Variants in GLIPR2 observed in about 807,000 individuals in gnomAD.
GLIPR2 encodes the protein GLI pathogenesis related 2, also known as Golgi-associated plant pathogenesis-related protein 1.
In GLIPR2, 21 loss-of-function variants were observed where a neutral mutation model predicts 20.4. The ratio of observed to expected loss-of-function variants is 1.03; its 90% confidence interval spans 0.73 to 1.48. The LOEUF is 1.48. GLIPR2 is among the 40% of genes most tolerant of loss of function. The pLI is 0.00. For missense variants in GLIPR2, 205 were observed against 200.1 expected (o/e 1.02, Z -0.15); for synonymous variants, 91 against 80.5 (o/e 1.13, Z -0.70).
At chr9:36,149,811 T>C (rs1412537217) in intron 3 of GLIPR2, among the ~76,000 whole-genome samples, 6 of 152,188 alleles carry the variant, frequency 3.9e-5, no homozygotes, top group South Asian at 2.1e-4. Context: ...GTGGATCACC[T>C]GAGGTCAGGA....
At chr9:36,149,612 G>C (rs1033988205) in intron 3 of GLIPR2, among the ~76,000 whole-genome samples, 5 of 152,198 alleles carry the variant, frequency 3.3e-5, no homozygotes, top group Non-Finnish European at 7.4e-5. Flanking sequence ...CGGGAGCCTT[G>C]AGCAGGTCCC....
At chr9:36,142,928 G>C (rs1587131438) in intron 1 of GLIPR2, among the ~76,000 whole-genome samples, 1 of 152,052 alleles carries the variant, frequency 6.6e-6, no homozygotes, top group East Asian at 2.0e-4. Context: ...AGTGGGGAGA[G>C]AGGACTCCCC....
intron 1 of GLIPR2, among the ~76,000 whole-genome samples, chr9:36,143,471 G>A (rs16932989): frequency 0.041 from 6,183 of 152,232 alleles, 415 homozygotes; most frequent in African/African-American, 0.14. Context: ...TCTGGGACAT[G>A]GGAGCTAGAA....
chr9:36,144,095 C>T (rs531547702), intron 1 of GLIPR2, among the ~76,000 whole-genome samples: 58 of 152,272 alleles, frequency 3.8e-4, no homozygotes, highest in African/African-American at 1.3e-3. Context: ...GCCCGTGGCC[C>T]AAGAACCCAT....
intron 1 of GLIPR2, among the ~76,000 whole-genome samples, chr9:36,139,375 C>T (rs983290451): frequency 1.3e-5 from 2 of 152,174 alleles, no homozygotes; most frequent in Non-Finnish European, 2.9e-5. Context: ...CTCATAGTCA[C>T]GTGCATTTAA....
intron 4 of GLIPR2, among the ~76,000 whole-genome samples, chr9:36,156,446 TACCATTTTA>T (rs1452089003): frequency 2.0e-5 from 3 of 149,910 alleles, no homozygotes; most frequent in Non-Finnish European, 3.0e-5. Flanking sequence ...ACTGAAAATT[TACCATTTTA>T]ACCATTTTAG....
intron 1 of GLIPR2, among the ~76,000 whole-genome samples, chr9:36,143,107 G>T (rs968872433): frequency 1.3e-5 from 2 of 152,170 alleles, no homozygotes; most frequent in Non-Finnish European, 2.9e-5. Context: ...TGGGAGTGCA[G>T]TGACCTAGTT....
intron 1 of GLIPR2, among the ~76,000 whole-genome samples, chr9:36,138,675 C>T (rs555266874): frequency 6.6e-6 from 1 of 152,246 alleles, no homozygotes; most frequent in South Asian, 2.1e-4. Flanking sequence ...GACCCAGTGC[C>T]GGGGCGTGCA....
chr9:36,153,104 A>G (rs1825671868), intron 4 of GLIPR2, among the ~76,000 whole-genome samples: 1 of 149,352 alleles, frequency 6.7e-6, no homozygotes, highest in African/African-American at 2.5e-5. Context: ...CCTGGGCAAC[A>G]AGGGCGAGAC....
At chr9:36,145,345 T>C (rs1328838956) in intron 1 of GLIPR2, among the ~76,000 whole-genome samples, 1 of 152,252 alleles carries the variant, frequency 6.6e-6, no homozygotes, top group African/African-American at 2.4e-5. Flanking sequence ...GTTAGGTTAA[T>C]CTCCAAGTTC....
At chr9:36,150,695 T>C (rs1825542526) in intron 3 of GLIPR2, among the ~76,000 whole-genome samples, 177 bp from the exon 4 acceptor site, 1 of 152,164 alleles carries the variant, frequency 6.6e-6, no homozygotes, top group Non-Finnish European at 1.5e-5. Context: ...CTGGCCATGC[T>C]CATGGGCAGG....
In GLIPR2 at chr9:36,136,897, C is replaced by T; in HGVS notation, c.13+106C>T. 8.3e-7 allele frequency: 1 copy of T among 1,199,728 alleles called. No homozygotes were observed. Among genetic ancestry groups the T allele is most frequent in the South Asian group, 4.0e-5 (1 of 24,720 alleles). 74.3% of individuals were successfully genotyped at this position (1,199,728 alleles called of 1,614,324 possible). A position where few individuals can be genotyped will look rare whatever the true frequency, so the allele number is the denominator to read the frequency against. On this transcript the variant is annotated intron_variant, in intron 1 of 4. Coordinates refer to ENST00000377960, the MANE Select transcript of GLIPR2 (RefSeq NM_022343.4). The surrounding 1 kb of genome is among the most constrained non-coding windows in gnomAD (Gnocchi z 4.3). ...AGCCAGGTCCTGGGGAGTGCGGGAG[C>T]CCGGGGTGCGGGTGGAGGGCGCGCG...
At chr9:36,145,385 G>A (rs1446791408) in intron 1 of GLIPR2, among the ~76,000 whole-genome samples, 1 of 149,656 alleles carries the variant, frequency 6.7e-6, no homozygotes, top group Non-Finnish European at 1.5e-5. Flanking sequence ...CTGCATCTTG[G>A]CACCTATCAC....
intron 3 of GLIPR2, among the ~76,000 whole-genome samples, chr9:36,150,610 T>G (rs114063430): frequency 0.026 from 3,988 of 152,228 alleles, 171 homozygotes; most frequent in African/African-American, 0.09. Flanking sequence ...GTGTATGGGT[T>G]GTGGGGGATA....
intron 4 of GLIPR2, among the ~76,000 whole-genome samples, chr9:36,152,527 A>T (rs1245491558): frequency 6.6e-6 from 1 of 152,034 alleles, no homozygotes; most frequent in Non-Finnish European, 1.5e-5. Context: ...AGGTGGGTGG[A>T]TCACCTGAGG....
rs370653151 is a variant in GLIPR2, at chr9:36,140,644, G to A, written c.13+3853G>A. The stretch of plus-strand genomic sequence containing the variant: ...TGGGGGAAGGGGGTGCCTTGTTCCC[G>A]TAAGCAATTGAGCAACTCGTCATAG... On this transcript the variant is annotated intron_variant, in intron 1 of 4. Coordinates refer to ENST00000377960, the MANE Select transcript of GLIPR2 (RefSeq NM_022343.4). 1.0e-3 allele frequency among the ~76,000 whole-genome samples: 158 copies of A among 152,224 alleles called. 1 individual carries two copies. Among genetic ancestry groups the A allele is most frequent in the Admixed American group, 3.0e-3 (46 of 15,298 alleles).
Position 36,162,779 on chromosome 9 carries a change from G to GTTTT in GLIPR2, c.*266_*269dup. The GTTTT allele has an allele frequency of 2.5e-6, 1 of 401,812 alleles. No individual in the cohort carries two copies. The allele number at this position is 401,812 out of a possible 1,614,324, so 24.9% of individuals were successfully genotyped here. On this transcript the variant is annotated 3_prime_UTR_variant, in exon 5 of 5. Coordinates refer to ENST00000377960, the MANE Select transcript of GLIPR2 (RefSeq NM_022343.4). ...TTTGGATTGGGGGGAGGGGGGATCC[G>GTTTT]TTTTTTTTTTTTAATTTTTTGTTAT...
intron 4 of GLIPR2, among the ~76,000 whole-genome samples, chr9:36,158,779 T>C (rs557694459): frequency 5.3e-5 from 8 of 152,216 alleles, no homozygotes; most frequent in African/African-American, 1.9e-4. Context: ...GAAATAAGAA[T>C]TTAGGCCAGG....
chr9:36,141,267 A>C (rs1238087847), intron 1 of GLIPR2, among the ~76,000 whole-genome samples: 1 of 152,218 alleles, frequency 6.6e-6, no homozygotes, highest in African/African-American at 2.4e-5. Flanking sequence ...ATGGCCAGTA[A>C]AAGGCAGTGC....
Sources: gnomAD v4.1 joint callset for allele counts (sites outside exome capture counted in the v4.1 genomes callset) on GRCh38, gnomAD v4.1.1 for gene constraint, Gnocchi (gnomAD v3.1) non-coding constraint, MANE v1.5 for transcripts, NCBI Gene and HGNC (gene_info 2026-07-23, HGNC 2026-07-21) for gene names.